Variants in TTC7B observed in about 807,000 individuals in gnomAD.
TTC7B encodes tetratricopeptide repeat domain 7B.
Under a neutral mutation model 106.8 loss-of-function variants are expected in TTC7B, and 28 were observed. That is an observed-to-expected ratio of 0.26 (90% CI 0.19 to 0.36). TTC7B has a LOEUF of 0.36. TTC7B is among the 10% of genes least tolerant of loss of function. The pLI, the probability that TTC7B is intolerant of heterozygous loss-of-function variation, is 1.00. For synonymous variants in TTC7B, 405 were observed against 430.6 expected, an observed-to-expected ratio of 0.94 and a Z score of 0.74; for missense variants, 862 against 1,076.4, an observed-to-expected ratio of 0.80 and a Z score of 2.79.
At chr14:90,559,556 G>A (rs538373291) in intron 19 of TTC7B, among the ~76,000 whole-genome samples, 9 of 152,294 alleles carry the variant, frequency 5.9e-5, no homozygotes, top group Admixed American at 4.6e-4. Flanking sequence ...TCTAGAGAAC[G>A]GGGAAGAGGC....
chr14:90,567,887 T>C (rs954223528), intron 19 of TTC7B, among the ~76,000 whole-genome samples: 1 of 152,224 alleles, frequency 6.6e-6, no homozygotes, highest in African/African-American at 2.4e-5. Flanking sequence ...TCAGCCTCGA[T>C]GCTGGGAGAG....
chr14:90,739,241 A>G (rs147585887), intron 4 of TTC7B, among the ~76,000 whole-genome samples: 20 of 152,328 alleles, frequency 1.3e-4, no homozygotes, highest in Non-Finnish European at 2.8e-4. Context: ...TATTACATCA[A>G]GCTATGAACT....
intron 19 of TTC7B, among the ~76,000 whole-genome samples, chr14:90,566,167 T>C (rs982795555): frequency 7.3e-5 from 11 of 151,670 alleles, no homozygotes; most frequent in Non-Finnish European, 1.0e-4. Context: ...GCCTGGCCAA[T>C]ATGTGGAATC....
intron 18 of TTC7B, among the ~76,000 whole-genome samples, chr14:90,582,194 T>C (rs1891522779): frequency 6.6e-6 from 1 of 152,242 alleles, no homozygotes. Flanking sequence ...GAGTGGGCAG[T>C]GTGGCTCCCT....
chr14:90,719,529 G>A (rs1888802368), intron 5 of TTC7B, among the ~76,000 whole-genome samples: 1 of 152,268 alleles, frequency 6.6e-6, no homozygotes, highest in East Asian at 1.9e-4. Context: ...CTGAAGACGT[G>A]GGGCCTGAGA....
At chr14:90,651,397 A>G (rs1224965214) in intron 13 of TTC7B, among the ~76,000 whole-genome samples, 1 of 152,252 alleles carries the variant, frequency 6.6e-6, no homozygotes, top group Non-Finnish European at 1.5e-5. Flanking sequence ...TAAGCAAAAG[A>G]TGAACAAAAA....
At chr14:90,790,708 C>T (rs1046116590) in intron 1 of TTC7B, among the ~76,000 whole-genome samples, 10 of 152,164 alleles carry the variant, frequency 6.6e-5, no homozygotes, top group Admixed American at 2.0e-4. Flanking sequence ...CCCCTGCTAC[C>T]TATTCTAGCT....
At chr14:90,755,557 G>A (rs902277174) in intron 3 of TTC7B, among the ~76,000 whole-genome samples, 4 of 152,088 alleles carry the variant, frequency 2.6e-5, no homozygotes, top group African/African-American at 9.7e-5. Context: ...TACTCAAGAG[G>A]CTGAGATGGG....
chr14:90,668,820 A>T (rs1886515531), intron 9 of TTC7B, among the ~76,000 whole-genome samples: 2 of 143,712 alleles, frequency 1.4e-5, no homozygotes, highest in Admixed American at 1.4e-4. Flanking sequence ...CCCTATCAAA[A>T]TTTCAACTTT....
chr14:90,780,805 G>T lies in TTC7B; in HGVS notation c.378C>A (p.Asp126Glu), dbSNP rs146519690. 1.3e-5 allele frequency: 21 copies of T among 1,614,150 alleles called. No individual in the cohort carries two copies. In the Admixed American group the frequency reaches 3.5e-4, roughly 27 times the overall value. Residue 126 changes from aspartate to glutamate, a missense_variant, in exon 3 of 20, where the codon GAC (aspartate) becomes GAA (glutamate). Coordinates refer to ENST00000328459, the MANE Select transcript of TTC7B (RefSeq NM_001010854.2). ...GCGGGACAGCTGTCAGTGGCAGATCGTCCAGGCCCACCCGGGCGTAAATGT... is the reference window on the plus strand; with the variant it reads ...GCGGGACAGCTGTCAGTGGCAGATCTTCCAGGCCCACCCGGGCGTAAATGT... ...ALNIYARVGL[D>E]DLPLTAVPPY...
Position 90,532,685 on chromosome 14 carries a change from C to G in TTC7B, c.*8683G>C, listed in dbSNP as rs1889314407. 1 of 152,208 alleles carries G rather than the reference C, an allele frequency of 6.6e-6. No homozygotes were observed. The highest frequency in any genetic ancestry group is 6.5e-5 in the Admixed American group (1 of 15,282). The allele number at this position is 152,208 out of a possible 1,614,324, so 9.4% of individuals were successfully genotyped here. On this transcript the variant is annotated 3_prime_UTR_variant, in exon 20 of 20. Coordinates refer to ENST00000328459, the MANE Select transcript of TTC7B (RefSeq NM_001010854.2). Reference sequence around the variant, plus strand: ...TACCCCTCTGTTTGGGGTCTGTCTTCCCAGTCCCCAATAAGACCACCAGCT... The same window carrying G: ...TACCCCTCTGTTTGGGGTCTGTCTTGCCAGTCCCCAATAAGACCACCAGCT...
chr14:90,659,213 TTGTGTG>T (rs148678143), intron 9 of TTC7B, among the ~76,000 whole-genome samples: 1 of 146,620 alleles, frequency 6.8e-6, no homozygotes, highest in African/African-American at 2.5e-5. Flanking sequence ...ACGAGTGTGA[TTGTGTG>T]TGTGTGTGTG....
chr14:90,812,754 C>T (rs1478975947), intron 1 of TTC7B, among the ~76,000 whole-genome samples: 4 of 152,202 alleles, frequency 2.6e-5, no homozygotes, highest in Admixed American at 6.5e-5. Flanking sequence ...CGGTAGGGTA[C>T]GAGGAAGAAG....
At chr14:90,605,464 T>C (rs1892599671) in intron 17 of TTC7B, 1 of 840,520 alleles carries the variant, frequency 1.2e-6, no homozygotes. Flanking sequence ...AGCTTTTGGA[T>C]TTTCAAATGA....
chr14:90,698,932 C>T (rs1158807076), intron 5 of TTC7B: 1 of 324,292 alleles, frequency 3.1e-6, no homozygotes, highest in Non-Finnish European at 6.0e-6. Context: ...ACATAGTCTA[C>T]TCTTCCCTTG....
In TTC7B at chr14:90,605,515, C is replaced by T. The variant is rs1488502999; in HGVS notation, c.1966+5227G>A. On this transcript the variant is annotated intron_variant, in intron 17 of 19. Coordinates refer to ENST00000328459, the MANE Select transcript of TTC7B (RefSeq NM_001010854.2). ...GACAAGTCTGATGAAGTTTCCTCTC[C>T]AGCTTATCAGTTAGGAAGATTATCA... The T allele has an allele frequency of 6.5e-6, 7 of 1,070,140 alleles. No individual in the cohort carries two copies. The African/African-American group carries it at 6.9e-5, about 10-fold the overall frequency. 66.3% of individuals were successfully genotyped at this position (1,070,140 alleles called of 1,614,324 possible). A position where few individuals can be genotyped will look rare whatever the true frequency, so the allele number is the denominator to read the frequency against.
intron 4 of TTC7B, among the ~76,000 whole-genome samples, chr14:90,739,446 G>C (rs142141158): frequency 6.6e-6 from 1 of 152,130 alleles, no homozygotes. Context: ...GTTCAAGACC[G>C]GCAGTAACCT....
intron 18 of TTC7B, among the ~76,000 whole-genome samples, chr14:90,591,755 C>T (rs1177377554): frequency 2.0e-5 from 3 of 152,216 alleles, no homozygotes; most frequent in Admixed American, 6.5e-5. Context: ...ATACTCCTTC[C>T]CTTTCTGTTC....
At chr14:90,639,130 T>A (rs536966660) in intron 15 of TTC7B, among the ~76,000 whole-genome samples, 2 of 152,322 alleles carry the variant, frequency 1.3e-5, no homozygotes, top group South Asian at 4.1e-4. Flanking sequence ...ACTACCTTCA[T>A]GATCTTGGAG....
Sources: allele counts gnomAD v4.1 joint callset (sites outside exome capture counted in the v4.1 genomes callset), GRCh38; gene constraint gnomAD v4.1.1; transcripts MANE v1.5; gene names NCBI Gene and HGNC (gene_info 2026-07-23, HGNC 2026-07-21).